The following MARCHF5 variants were observed in gnomAD, a reference collection of about 807,000 sequenced individuals.
The protein encoded by MARCHF5 is E3 ubiquitin-protein ligase MARCHF5.
In MARCHF5, 5 loss-of-function variants were observed where a neutral mutation model predicts 36.5. The ratio of observed to expected loss-of-function variants is 0.14; its 90% confidence interval spans 0.07 to 0.29. MARCHF5 has a LOEUF of 0.29. MARCHF5 is among the 10% of genes least tolerant of loss of function. The probability of loss-of-function intolerance (pLI) is 1.00; values close to 1 mark genes in which losing one functional copy is unlikely to be tolerated. For synonymous variants in MARCHF5, 103 were observed against 109.9 expected, an observed-to-expected ratio of 0.94 and a Z score of 0.39; for missense variants, 179 against 336.3, an observed-to-expected ratio of 0.53 and a Z score of 3.66.
At position 92,340,710 on chromosome 10, in the gene MARCHF5, G is replaced by T; in HGVS notation, c.276G>T (p.Leu92=). The T allele has an allele frequency of 6.2e-7, 1 of 1,613,718 alleles. No individual in the cohort carries two copies. Among genetic ancestry groups the T allele is most frequent in the South Asian group, 1.1e-5 (1 of 90,962 alleles). ...ACGTCTTGGATCTTGCAGATAGACTGATCTCAAAAGCCTGTCCATTTGCTG... is the reference window on the plus strand; with the variant it reads ...ACGTCTTGGATCTTGCAGATAGACTTATCTCAAAAGCCTGTCCATTTGCTG... ...VVYVLDLADR[L]ISKACPFAAA... The change falls in exon 3 of 6, where the codon CTG becomes CTT. Residue 92 remains leucine, a synonymous_variant. Transcript: ENST00000358935.
chr10:92,321,335 T>C (rs1435936414), intron 2 of MARCHF5, among the ~76,000 whole-genome samples: 1 of 152,102 alleles, frequency 6.6e-6, no homozygotes. Flanking sequence ...GTGTTGGGTT[T>C]TGTCAAATGC....
chr10:92,315,854 G>T (rs576694397), intron 2 of MARCHF5, among the ~76,000 whole-genome samples: 4 of 152,256 alleles, frequency 2.6e-5, no homozygotes, highest in African/African-American at 9.6e-5. Flanking sequence ...TCCTTATTAT[G>T]ATAGTGTTTT....
chr10:92,353,910 T>G lies in MARCHF5; in HGVS notation c.*2703T>G, dbSNP rs1353644859. ...TTTTTTAAACGTCTTGTTTTTAATA[T>G]AGCAAACTATCTCAATACTGGCTGG... On this transcript the variant is annotated 3_prime_UTR_variant, in exon 6 of 6. Transcript: ENST00000358935. The G allele has an allele frequency of 6.6e-6, 1 of 152,650 alleles. No homozygotes were observed. Among genetic ancestry groups the G allele is most frequent in the Non-Finnish European group, 1.5e-5 (1 of 68,036 alleles). 9.5% of individuals were successfully genotyped at this position (152,650 alleles called of 1,614,324 possible). A position where few individuals can be genotyped will look rare whatever the true frequency, so the allele number is the denominator to read the frequency against.
intron 2 of MARCHF5, among the ~76,000 whole-genome samples, chr10:92,327,362 A>C (rs1843377230): frequency 6.6e-6 from 1 of 151,848 alleles, no homozygotes; most frequent in Non-Finnish European, 1.5e-5. Context: ...TAAAAAAAAA[A>C]ACTGTGTTCA....
At chr10:92,335,936 A>G (rs1270412222) in intron 2 of MARCHF5, among the ~76,000 whole-genome samples, 1 of 152,266 alleles carries the variant, frequency 6.6e-6, no homozygotes, top group Non-Finnish European at 1.5e-5. Flanking sequence ...AGTTCCAAGT[A>G]CAAGACAATT....
intron 2 of MARCHF5, among the ~76,000 whole-genome samples, chr10:92,328,765 G>A (rs1205335470): frequency 1.4e-5 from 2 of 146,766 alleles, no homozygotes; most frequent in Non-Finnish European, 1.5e-5. Flanking sequence ...TCTGCATTTT[G>A]TGTAAACTGG....
intron 1 of MARCHF5, chr10:92,308,558 A>C (rs1464655134): frequency 1.3e-5 from 2 of 152,162 alleles, no homozygotes; most frequent in Non-Finnish European, 2.9e-5. Context: ...TCTGGTTCAC[A>C]TGCCTCTAAT....
At chr10:92,332,863 C>G (rs1843453312) in intron 2 of MARCHF5, among the ~76,000 whole-genome samples, 2 of 147,380 alleles carry the variant, frequency 1.4e-5, no homozygotes, top group African/African-American at 4.9e-5. Flanking sequence ...TTGATATCTT[C>G]AATAAAATTC....
intron 5 of MARCHF5, among the ~76,000 whole-genome samples, chr10:92,350,773 A>G (rs1843706123): frequency 6.6e-6 from 1 of 152,172 alleles, no homozygotes; most frequent in African/African-American, 2.4e-5. Context: ...TCTTGCTCCC[A>G]ACAGTGGCAG....
In MARCHF5 at chr10:92,343,116, G is replaced by A. The variant is rs556548658; in HGVS notation, c.369+2313G>A. ...TTGATACACAGGGTCCTCTGTAATC[G>A]TACTTCGTTCTGCTTTAAGGCTGTT... On this transcript the variant is annotated intron_variant, in intron 3 of 5. Transcript: ENST00000358935. Among the ~76,000 whole-genome samples, 98 of 152,320 alleles carry A rather than the reference G, an allele frequency of 6.4e-4. 1 individual carries two copies. Among genetic ancestry groups the A allele is most frequent in the African/African-American group, 2.2e-3 (90 of 41,576 alleles).
chr10:92,297,846 A>G (rs1842966461), intron 1 of MARCHF5, among the ~76,000 whole-genome samples: 1 of 151,532 alleles, frequency 6.6e-6, no homozygotes, highest in East Asian at 1.9e-4. Context: ...TTTTCTCTTT[A>G]TTATTTTTCC....
At position 92,340,669 on chromosome 10, in the gene MARCHF5, A is replaced by T. The variant is rs199682466; in HGVS notation, c.239-4A>T. On this transcript the variant is annotated splice_region_variant and splice_polypyrimidine_tract_variant and intron_variant, in intron 2 of 5. Coordinates refer to ENST00000358935, the MANE Select transcript of MARCHF5 (RefSeq NM_017824.5). ...AACCTTTACTTCTTTTCTGTGTGTT[A>T]TAGGTCCAGTGGTTTACGTCTTGGA... 1.3e-5 allele frequency: 21 copies of T among 1,601,530 alleles called. No homozygotes were observed. The East Asian group carries it at 4.7e-4, about 36-fold the overall frequency.
intron 3 of MARCHF5, among the ~76,000 whole-genome samples, chr10:92,341,285 C>T (rs538713493): frequency 5.3e-5 from 8 of 152,120 alleles, no homozygotes; most frequent in African/African-American, 1.4e-4. Flanking sequence ...TTCCTGTAAT[C>T]CCAGCTACTC....
chr10:92,343,966 T>A (rs1843610500), intron 3 of MARCHF5, among the ~76,000 whole-genome samples: 1 of 152,192 alleles, frequency 6.6e-6, no homozygotes, highest in Non-Finnish European at 1.5e-5. Flanking sequence ...GAGAAAGACA[T>A]AGAAACTTAG....
chr10:92,315,222 G>T (rs774915566), intron 2 of MARCHF5, among the ~76,000 whole-genome samples: 6 of 152,152 alleles, frequency 3.9e-5, no homozygotes, highest in Non-Finnish European at 7.3e-5. Flanking sequence ...TACTCTGTAC[G>T]CTAGTGGCTT....
intron 2 of MARCHF5, among the ~76,000 whole-genome samples, chr10:92,313,263 T>C (rs564473269): frequency 6.6e-6 from 1 of 151,732 alleles, no homozygotes; most frequent in South Asian, 2.1e-4. Context: ...TAAAACTCTT[T>C]GGTTAAGCCA....
chr10:92,315,628 G>A (rs1414435467), intron 2 of MARCHF5, among the ~76,000 whole-genome samples: 1 of 152,136 alleles, frequency 6.6e-6, no homozygotes, highest in Non-Finnish European at 1.5e-5. Context: ...ACTGGTCACA[G>A]CTCATTCTAA....
At chr10:92,333,471 C>T (rs1349995635) in intron 2 of MARCHF5, 3 of 159,816 alleles carry the variant, frequency 1.9e-5, no homozygotes, top group Non-Finnish European at 2.7e-5. Context: ...CTGTCCTAGG[C>T]ACTGTACAAA....
intron 2 of MARCHF5, among the ~76,000 whole-genome samples, chr10:92,317,135 C>G (rs998045057): frequency 6.6e-6 from 1 of 152,148 alleles, no homozygotes; most frequent in Admixed American, 6.6e-5. Flanking sequence ...AGACGGATCT[C>G]GCACTGTCAT....
Sources: gnomAD v4.1 joint callset for allele counts (sites outside exome capture counted in the v4.1 genomes callset) on GRCh38, gnomAD v4.1.1 for gene constraint, MANE v1.5 for transcripts, NCBI Gene and HGNC (gene_info 2026-07-23, HGNC 2026-07-21) for gene names.